The following RSU1 variants were observed in gnomAD, a reference collection of about 807,000 sequenced individuals.
RSU1 encodes Ras suppressor protein 1.
In RSU1, 26 loss-of-function variants were observed where a neutral mutation model predicts 31.1. The ratio of observed to expected loss-of-function variants is 0.84; its 90% confidence interval spans 0.61 to 1.16. The LOEUF is 1.16. Among genes scored for constraint, RSU1 ranks in the 50% most tolerant of loss-of-function variants. The probability of loss-of-function intolerance (pLI) is 0.00; values close to 1 mark genes in which losing one functional copy is unlikely to be tolerated. For missense variants in RSU1, 320 were observed against 339.1 expected (o/e 0.94, Z 0.44); for synonymous variants, 164 against 136.3 (o/e 1.20, Z -1.41).
chr10:16,661,287 C>A (rs7918379), intron 8 of RSU1, among the ~76,000 whole-genome samples: 1 of 132,830 alleles, frequency 7.5e-6, no homozygotes. Flanking sequence ...GTAGAGAGTG[C>A]GTGTGTGTGT....
chr10:16,814,272 TC>T (rs1430323569), intron 2 of RSU1, among the ~76,000 whole-genome samples: 1 of 151,824 alleles, frequency 6.6e-6, no homozygotes, highest in Non-Finnish European at 1.5e-5. Context: ...AGACCCCATC[TC>T]TACAAAGAAA....
intron 8 of RSU1, among the ~76,000 whole-genome samples, chr10:16,670,708 CCT>C (rs1236021134): frequency 1.3e-5 from 2 of 152,136 alleles, no homozygotes; most frequent in Non-Finnish European, 1.5e-5. Context: ...CCCTGCTTTG[CCT>C]CTTTTTCTTC....
chr10:16,801,199 G>T (rs1838149556), intron 2 of RSU1, among the ~76,000 whole-genome samples: 1 of 151,622 alleles, frequency 6.6e-6, no homozygotes, highest in African/African-American at 2.4e-5. Context: ...TGGAGAAAGA[G>T]ATATGACGCT....
intron 7 of RSU1, 93 bp downstream of exon 7, chr10:16,752,446 C>A (rs1836997579): frequency 1.1e-6 from 1 of 886,854 alleles, no homozygotes; most frequent in South Asian, 1.5e-5. Flanking sequence ...AGAGTAGTTG[C>A]CAAGAAGAGG....
chr10:16,790,080 T>C (rs1837880526), intron 2 of RSU1, among the ~76,000 whole-genome samples: 1 of 152,108 alleles, frequency 6.6e-6, no homozygotes, highest in South Asian at 2.1e-4. Flanking sequence ...GCTGGCACTG[T>C]CCCTGTGATT....
At position 16,752,624 on chromosome 10, in the gene RSU1, C is replaced by T. The variant is rs10445; in HGVS notation, c.513G>A (p.Ser171=). 0.13 allele frequency: 209,975 copies of T among 1,612,716 alleles called. 14,615 individuals carry two copies. The highest frequency in any genetic ancestry group is 0.18 in the Middle Eastern group (1,069 of 6,058). ...ILSLRDNDLI[S]LPKEIGELTQ... ...TAAGCTCCCCGATTTCCTTAGGCAG[C>T]GAGATCAGGTCGTTATCCCTAAGGC... Residue 171 remains serine (S), a synonymous_variant, in exon 7 of 9, where the codon TCG becomes TCA. Transcript: ENST00000345264.
At chr10:16,759,137 T>G (rs1837155655) in intron 4 of RSU1, among the ~76,000 whole-genome samples, 1 of 152,092 alleles carries the variant, frequency 6.6e-6, no homozygotes, top group Non-Finnish European at 1.5e-5. Context: ...AAAGAAACCT[T>G]CTTGTCTAAA....
intron 7 of RSU1, among the ~76,000 whole-genome samples, chr10:16,706,923 T>C (rs967599753): frequency 2.0e-5 from 3 of 152,148 alleles, no homozygotes; most frequent in Non-Finnish European, 4.4e-5. Context: ...ACTATTCTAC[T>C]TCCTGTTTCA....
rs574613052 is a variant in RSU1 at position 16,645,193 on chromosome 10, T to C, written c.731+49830A>G. On this transcript the variant is annotated intron_variant, in intron 8 of 8. Coordinates refer to ENST00000345264, the MANE Select transcript of RSU1 (RefSeq NM_012425.4). The stretch of plus-strand genomic sequence containing the variant: ...AAATTTCGTAAACATAAATAAGGAT[T>C]TGGGCTAGCAAGGTTGGTGAAGGTC... Among the ~76,000 whole-genome samples the C allele has an allele frequency of 1.1e-4, 17 of 152,334 alleles. No individual in the cohort carries two copies. In the South Asian group the frequency reaches 1.7e-3, roughly 15 times the overall value.
At chr10:16,768,568 G>A (rs754603133) in intron 3 of RSU1, among the ~76,000 whole-genome samples, 6 of 152,130 alleles carry the variant, frequency 3.9e-5, no homozygotes, top group Non-Finnish European at 2.9e-5. Context: ...TGCTGGGGAC[G>A]CTCTCATCCC....
chr10:16,630,024 A>C (rs1834222762), intron 8 of RSU1, among the ~76,000 whole-genome samples: 1 of 152,190 alleles, frequency 6.6e-6, no homozygotes. Context: ...GAATCCCCAA[A>C]AAAGTATTTA....
intron 8 of RSU1, among the ~76,000 whole-genome samples, chr10:16,687,494 T>C (rs538895785): frequency 1.1e-4 from 16 of 152,200 alleles, no homozygotes; most frequent in African/African-American, 3.6e-4. Context: ...ATATGAATAA[T>C]AGTGTTAACC....
At chr10:16,613,746 T>C (rs974841479) in intron 8 of RSU1, among the ~76,000 whole-genome samples, 1 of 151,392 alleles carries the variant, frequency 6.6e-6, no homozygotes, top group Non-Finnish European at 1.5e-5. Flanking sequence ...CCTCCTGATA[T>C]GCATCAGAGA....
chr10:16,593,556 C>T, intron 8 of RSU1, 60 bp from the exon 9 acceptor site: 1 of 1,277,428 alleles, frequency 7.8e-7, no homozygotes, highest in South Asian at 1.2e-5. Context: ...ATAGCTTTCA[C>T]TGGAAGAGCT....
At chr10:16,642,234 C>T (rs1197888491) in intron 8 of RSU1, among the ~76,000 whole-genome samples, 1 of 152,022 alleles carries the variant, frequency 6.6e-6, no homozygotes, top group Non-Finnish European at 1.5e-5. Context: ...CTAAGGCAGG[C>T]AGGTAGGGAG....
intron 3 of RSU1, among the ~76,000 whole-genome samples, chr10:16,779,940 G>GA (rs1837614692): frequency 6.6e-6 from 1 of 152,008 alleles, no homozygotes; most frequent in Admixed American, 6.6e-5. Flanking sequence ...AATTTACCAA[G>GA]ACTATTAATT....
intron 3 of RSU1, among the ~76,000 whole-genome samples, chr10:16,769,107 A>C (rs977697923): frequency 1.3e-5 from 2 of 152,176 alleles, no homozygotes; most frequent in Non-Finnish European, 2.9e-5. Flanking sequence ...GCAGCCCACA[A>C]ACTGTCTCCC....
intron 8 of RSU1, among the ~76,000 whole-genome samples, chr10:16,693,294 G>A (rs1009533316): frequency 3.3e-5 from 5 of 152,096 alleles, no homozygotes; most frequent in East Asian, 1.9e-4. Flanking sequence ...GTTTCTGTCT[G>A]GTGGAAACAT....
chr10:16,735,113 C>G (rs990663578), intron 7 of RSU1, among the ~76,000 whole-genome samples: 13 of 152,238 alleles, frequency 8.5e-5, no homozygotes, highest in Non-Finnish European at 1.5e-4. Context: ...GTCACCCAGT[C>G]TTTGGCACTT....
Sources: gnomAD v4.1 joint callset for allele counts (sites outside exome capture counted in the v4.1 genomes callset) on GRCh38, gnomAD v4.1.1 for gene constraint, MANE v1.5 for transcripts, NCBI Gene and HGNC (gene_info 2026-07-23, HGNC 2026-07-21) for gene names.